The following EFNA5 variants were observed in gnomAD, a reference collection of about 807,000 sequenced individuals.
EFNA5 encodes the protein ephrin A5, also known as ephrin-A5.
A neutral mutation model predicts 22.9 loss-of-function variants in EFNA5; 5 were observed. The observed-to-expected ratio is 0.22, with a 90% CI of 0.11 to 0.46. The LOEUF is 0.46. EFNA5 is among the 20% of genes least tolerant of loss of function. The probability of loss-of-function intolerance (pLI) is 0.99; values close to 1 mark genes in which losing one functional copy is unlikely to be tolerated. For missense variants in EFNA5, 237 were observed against 293.3 expected, an observed-to-expected ratio of 0.81 and a Z score of 1.40; for synonymous variants, 113 against 112.2, an observed-to-expected ratio of 1.01 and a Z score of -0.04.
At chr5:107,638,147 C>T (rs1750426103) in intron 1 of EFNA5, among the ~76,000 whole-genome samples, 1 of 152,072 alleles carries the variant, frequency 6.6e-6, no homozygotes, top group Non-Finnish European at 1.5e-5. Flanking sequence ...GCCATCGTGC[C>T]CGGCCAACAG....
intron 1 of EFNA5, among the ~76,000 whole-genome samples, chr5:107,561,856 T>A (rs1245726059): frequency 6.6e-6 from 1 of 152,222 alleles, no homozygotes; most frequent in Admixed American, 6.5e-5. Flanking sequence ...GACTTTTTTT[T>A]AATGTATTTT....
At chr5:107,554,661 CAATT>C (rs1369469532) in intron 1 of EFNA5, among the ~76,000 whole-genome samples, 1 of 152,120 alleles carries the variant, frequency 6.6e-6, no homozygotes, top group Non-Finnish European at 1.5e-5. Context: ...ATAGGGCCCT[CAATT>C]TATTTAATCC....
chr5:107,643,660 T>A (rs1750570715), intron 1 of EFNA5, among the ~76,000 whole-genome samples: 1 of 149,478 alleles, frequency 6.7e-6, no homozygotes, highest in South Asian at 2.1e-4. Context: ...GTACCATTTA[T>A]GAAGTAAGCT....
chr5:107,660,321 A>C (rs2112560143), intron 1 of EFNA5, among the ~76,000 whole-genome samples: 1 of 88,334 alleles, frequency 1.1e-5, no homozygotes, highest in South Asian at 4.0e-4. Context: ...TATATTTGGC[A>C]AGTGGGGGAG....
At chr5:107,598,973 G>A (rs1008512202) in intron 1 of EFNA5, among the ~76,000 whole-genome samples, 3 of 152,068 alleles carry the variant, frequency 2.0e-5, no homozygotes, top group African/African-American at 7.2e-5. Context: ...AACACTAAAC[G>A]CCTGGATTGG....
At chr5:107,494,265 G>C (rs31718) in intron 1 of EFNA5, among the ~76,000 whole-genome samples, 56,489 of 151,238 alleles carry the variant, frequency 0.37, 10,644 homozygotes, top group South Asian at 0.49. Flanking sequence ...CGTGAGCTGC[G>C]GGCGGCTGCG....
At chr5:107,636,046 T>C (rs781321514) in intron 1 of EFNA5, among the ~76,000 whole-genome samples, 11 of 152,248 alleles carry the variant, frequency 7.2e-5, no homozygotes, top group Non-Finnish European at 1.5e-4. Context: ...AGCTACCACA[T>C]TAGATATTCT....
At chr5:107,557,971 G>C (rs995449860) in intron 1 of EFNA5, among the ~76,000 whole-genome samples, 2 of 152,130 alleles carry the variant, frequency 1.3e-5, no homozygotes, top group African/African-American at 4.8e-5. Context: ...TCATATGATA[G>C]TATCTACCCC....
At chr5:107,460,003 G>A (rs1293738607) in intron 1 of EFNA5, among the ~76,000 whole-genome samples, 1 of 152,122 alleles carries the variant, frequency 6.6e-6, no homozygotes, top group Admixed American at 6.6e-5. Flanking sequence ...AACCACTGCA[G>A]AGGTAACATT....
intron 1 of EFNA5, among the ~76,000 whole-genome samples, chr5:107,479,703 T>A (rs191651771): frequency 5.3e-5 from 8 of 152,218 alleles, no homozygotes; most frequent in African/African-American, 1.7e-4. Flanking sequence ...AATAATATAT[T>A]ACCTAACCAG....
In EFNA5 at chr5:107,537,805, C is replaced by T. The variant is rs145190336; in HGVS notation, c.126-110296G>A. Among the ~76,000 whole-genome samples the T allele has an allele frequency of 2.6e-5, 4 of 152,228 alleles. No individual in the cohort carries two copies. The East Asian group carries it at 5.8e-4, about 22-fold the overall frequency. On this transcript the variant is annotated intron_variant, in intron 1 of 4. Transcript: ENST00000333274. ...ACCCTACATCCAGGGACAAACATCA[C>T]GCTAATTACTGTGCAGTATTCAAAA...
At chr5:107,637,505 T>C (rs1363293586) in intron 1 of EFNA5, among the ~76,000 whole-genome samples, 1 of 150,872 alleles carries the variant, frequency 6.6e-6, no homozygotes, top group Non-Finnish European at 1.5e-5. Flanking sequence ...ACTGTGTGTG[T>C]GTGTGTGTGT....
intron 1 of EFNA5, among the ~76,000 whole-genome samples, chr5:107,482,944 G>GA (rs1395960887): frequency 7.5e-4 from 109 of 145,180 alleles, no homozygotes; most frequent in Non-Finnish European, 1.2e-3. Flanking sequence ...GACACTAACA[G>GA]AAAAATAAAT....
intron 1 of EFNA5, among the ~76,000 whole-genome samples, chr5:107,504,774 G>A (rs556557448): frequency 2.3e-4 from 35 of 152,150 alleles, no homozygotes; most frequent in Non-Finnish European, 3.8e-4. Context: ...GCACATGTTT[G>A]TGAAAGTACA....
intron 1 of EFNA5, among the ~76,000 whole-genome samples, chr5:107,447,075 C>T (rs1036284239): frequency 6.6e-6 from 1 of 152,184 alleles, no homozygotes; most frequent in Non-Finnish European, 1.5e-5. Flanking sequence ...CCATTAATAC[C>T]TGTCACCCAG....
At chr5:107,400,786 G>C (rs1748061889) in intron 2 of EFNA5, among the ~76,000 whole-genome samples, 1 of 152,178 alleles carries the variant, frequency 6.6e-6, no homozygotes, top group African/African-American at 2.4e-5. Flanking sequence ...AGATTGATTT[G>C]CTATGTTTTT....
At chr5:107,573,122 G>T (rs1013660574) in intron 1 of EFNA5, among the ~76,000 whole-genome samples, 2 of 152,134 alleles carry the variant, frequency 1.3e-5, no homozygotes, top group Non-Finnish European at 2.9e-5. Flanking sequence ...CACATTATCT[G>T]CCCTTAGTCT....
chr5:107,527,180 T>C (rs903693408), intron 1 of EFNA5, among the ~76,000 whole-genome samples: 1 of 152,204 alleles, frequency 6.6e-6, no homozygotes, highest in Non-Finnish European at 1.5e-5. Context: ...TTTTGTTTCA[T>C]GTATGAAATT....
intron 1 of EFNA5, among the ~76,000 whole-genome samples, chr5:107,441,484 C>T (rs972082017): frequency 1.3e-5 from 2 of 152,160 alleles, no homozygotes; most frequent in Non-Finnish European, 2.9e-5. Context: ...TTGCATTTCC[C>T]ACCATATAAC....
Sources: allele counts gnomAD v4.1 joint callset (sites outside exome capture counted in the v4.1 genomes callset), GRCh38; gene constraint gnomAD v4.1.1; transcripts MANE v1.5; gene names NCBI Gene and HGNC (gene_info 2026-07-23, HGNC 2026-07-21).